KIAA1671: variants seen among roughly 807,000 people sequenced by gnomAD.
KIAA1671 encodes uncharacterized protein KIAA1671.
In KIAA1671, 52 loss-of-function variants were observed where a neutral mutation model predicts 131.2. The observed-to-expected ratio is 0.40, with a 90% CI of 0.32 to 0.50. The LOEUF (loss-of-function observed/expected upper bound fraction) is 0.50, where lower values mean the gene tolerates loss of function less well. Among genes scored for constraint, KIAA1671 ranks in the 20% least tolerant of loss-of-function variants. The pLI, the probability that KIAA1671 is intolerant of heterozygous loss-of-function variation, is 0.73. For synonymous variants in KIAA1671, 1,003 were observed against 961.6 expected, an observed-to-expected ratio of 1.04 and a Z score of -0.80; for missense variants, 2,360 against 2,364.2, an observed-to-expected ratio of 1.00 and a Z score of 0.04.
intron 5 of KIAA1671, among the ~76,000 whole-genome samples, chr22:25,041,979 A>G (rs1260065985): frequency 6.6e-6 from 1 of 152,140 alleles, no homozygotes; most frequent in African/African-American, 2.4e-5. Flanking sequence ...CCTGGGCTCA[A>G]GTGATCCTCC....
chr22:25,100,017 T>G (rs1187607109), intron 6 of KIAA1671, among the ~76,000 whole-genome samples: 1 of 152,112 alleles, frequency 6.6e-6, no homozygotes, highest in Non-Finnish European at 1.5e-5. Context: ...GGCCATACAG[T>G]ATTTGTAACT....
chr22:24,963,716 A>G (rs564444387), intron 1 of KIAA1671, among the ~76,000 whole-genome samples: 31 of 151,174 alleles, frequency 2.1e-4, no homozygotes, highest in Admixed American at 1.8e-3. Flanking sequence ...TGAGGCGGGC[A>G]GATCACGAGG....
In KIAA1671 at chr22:25,156,048, G is replaced by C. The variant is rs565519775; in HGVS notation, c.4531-14772G>C. 1.4e-4 allele frequency among the ~76,000 whole-genome samples: 14 copies of C among 100,760 alleles called. No individual in the cohort carries two copies. The South Asian group carries it at 4.2e-3, about 30-fold the overall frequency. 66.1% of individuals were successfully genotyped at this position (100,760 alleles called of 152,430 possible). On this transcript the variant is annotated intron_variant, in intron 6 of 12. Transcript: ENST00000358431. The stretch of plus-strand genomic sequence containing the variant: ...TTTTTTTTTTTTTTTTTGAGATGGA[G>C]TCTTGCTGTGGCACCCAGGCTGGAG...
Position 24,989,931 on chromosome 22 carries a change from G to A in KIAA1671, c.-207-35702G>A, listed in dbSNP as rs551210185. Among the ~76,000 whole-genome samples, 8 of 152,190 alleles carry A rather than the reference G, an allele frequency of 5.3e-5. No homozygotes were observed. The South Asian group carries it at 1.7e-3, about 32-fold the overall frequency. On this transcript the variant is annotated intron_variant, in intron 1 of 12. Transcript: ENST00000358431. Reference sequence around the variant, plus strand: ...AAACCTTGTTGGGTTTTGGGATCAAGGCAGAAGATGGTAGAGAGCTTTTTC... The same window carrying A: ...AAACCTTGTTGGGTTTTGGGATCAAAGCAGAAGATGGTAGAGAGCTTTTTC...
chr22:25,008,438 G>A (rs1216171018), intron 1 of KIAA1671, among the ~76,000 whole-genome samples: 4 of 152,012 alleles, frequency 2.6e-5, no homozygotes, highest in South Asian at 2.1e-4. Context: ...CAGGAGGGTC[G>A]TTGAGGGTAT....
intron 6 of KIAA1671, among the ~76,000 whole-genome samples, chr22:25,115,746 T>A (rs1931619912): frequency 6.6e-6 from 1 of 152,286 alleles, no homozygotes; most frequent in Admixed American, 6.5e-5. Flanking sequence ...TCTTCATTAA[T>A]TCACTCATAT....
At chr22:25,171,399 G>A (rs986274428) in intron 7 of KIAA1671, among the ~76,000 whole-genome samples, 5 of 151,168 alleles carry the variant, frequency 3.3e-5, no homozygotes, top group Admixed American at 1.3e-4. Flanking sequence ...GCAAGACTCC[G>A]TCTCAAAAAA....
rs544952597 is a variant in KIAA1671, at chr22:25,181,449, C to T, written c.5075-250C>T. ...GCCAAGGGCCCAGGAGATGGGTTTG[C>T]CTCTGTCCTCCCGCAAAAGAAAACC... On this transcript the variant is annotated intron_variant, in intron 9 of 12. Transcript: ENST00000358431. Among the ~76,000 whole-genome samples the T allele has an allele frequency of 7.2e-5, 11 of 152,298 alleles. No homozygotes were observed. In the Middle Eastern group the frequency reaches 0.014, roughly 188 times the overall value.
chr22:25,017,402 G>T (rs897949160), intron 1 of KIAA1671, among the ~76,000 whole-genome samples: 62 of 152,158 alleles, frequency 4.1e-4, no homozygotes, highest in African/African-American at 1.4e-3. Context: ...AAAAAAGGGG[G>T]TGGTAACTTC....
At chr22:25,105,979 A>G (rs900145320) in intron 6 of KIAA1671, among the ~76,000 whole-genome samples, 1 of 152,154 alleles carries the variant, frequency 6.6e-6, no homozygotes, top group African/African-American at 2.4e-5. Flanking sequence ...TGATGGTGTA[A>G]TACAGTGATG....
Position 25,039,674 on chromosome 22 carries a change from C to A in KIAA1671, c.2544C>A (p.Ser848=), listed in dbSNP as rs995566739. The A allele has an allele frequency of 3.2e-5, 49 of 1,527,938 alleles. No individual in the cohort carries two copies. Among genetic ancestry groups the A allele is most frequent in the Non-Finnish European group, 4.1e-5 (46 of 1,132,176 alleles). The allele number at this position is 1,527,938 out of a possible 1,614,324, so 94.6% of individuals were successfully genotyped here. The change falls in exon 5 of 13, where the codon TCC becomes TCA. Residue 848 remains serine (S), a synonymous_variant. Coordinates refer to ENST00000358431, the MANE Select transcript of KIAA1671 (RefSeq NM_001145206.2). ...SEEHCAPGAT[S]VRAIKAAIWE... is the part of the protein sequence containing the mutation. ...AGCACTGTGCTCCCGGGGCCACCTC[C>A]GTCAGGGCTATCAAGGCTGCCATCT...
At chr22:25,130,602 C>A (rs1202501494) in intron 6 of KIAA1671, among the ~76,000 whole-genome samples, 2 of 152,166 alleles carry the variant, frequency 1.3e-5, no homozygotes, top group East Asian at 3.8e-4. Flanking sequence ...AAGTCCCATC[C>A]TGTGAGGGGC....
chr22:25,119,068 T>C (rs1202596025), intron 6 of KIAA1671, among the ~76,000 whole-genome samples: 3 of 152,322 alleles, frequency 2.0e-5, no homozygotes, highest in Admixed American at 2.0e-4. Flanking sequence ...TCTACTAGGA[T>C]GTAAGGTCCA....
chr22:25,159,573 A>G (rs761474354), intron 6 of KIAA1671, among the ~76,000 whole-genome samples: 1 of 152,134 alleles, frequency 6.6e-6, no homozygotes, highest in Non-Finnish European at 1.5e-5. Context: ...GGACACCAAC[A>G]TCATCATGTG....
chr22:25,097,736 T>TA (rs11430695), intron 6 of KIAA1671, among the ~76,000 whole-genome samples: 55,452 of 142,260 alleles, frequency 0.39, 10,272 homozygotes, highest in South Asian at 0.5. Context: ...CGAGACTCCA[T>TA]AAAAAAAAAA....
rs372022543 is a variant in KIAA1671, at chr22:25,168,976, CAGG to C, written c.4531-1841_4531-1839del. 1.3e-3 allele frequency among the ~76,000 whole-genome samples: 204 copies of C among 152,188 alleles called. 1 individual carries two copies. Among genetic ancestry groups the C allele is most frequent in the African/African-American group, 4.4e-3 (182 of 41,506 alleles). ...TAGGGAACCCCGGAAGGTTTTTGAG[CAGG>C]AGATGATATGAAGCATATTCCAGCA... On this transcript the variant is annotated intron_variant, in intron 6 of 12. Transcript: ENST00000358431.
At chr22:25,033,273 A>G (rs1017221205) in intron 4 of KIAA1671, among the ~76,000 whole-genome samples, 84 of 152,096 alleles carry the variant, frequency 5.5e-4, no homozygotes, top group African/African-American at 2.0e-3. Context: ...GTGCATGCCT[A>G]TAGTTCTAGT....
intron 6 of KIAA1671, chr22:25,053,408 A>G (rs1450208453): frequency 2.2e-4 from 33 of 152,146 alleles, no homozygotes. Context: ...TGTGACCTCG[A>G]GTCACAGTTT....
rs1931652308 is a variant in KIAA1671 at position 25,116,229 on chromosome 22, C to T, written c.4531-54591C>T. Among the ~76,000 whole-genome samples the T allele has an allele frequency of 2.6e-5, 4 of 152,014 alleles. No homozygotes were observed. In the South Asian group the frequency reaches 8.3e-4, roughly 32 times the overall value. ...CTGGGACTACAGGCATGTGCCACCA[C>T]ACCCAGCCATTTTTTTTCTTTTGTG... On this transcript the variant is annotated intron_variant, in intron 6 of 12. Coordinates refer to ENST00000358431, the MANE Select transcript of KIAA1671 (RefSeq NM_001145206.2).
Sources: gnomAD v4.1 joint callset for allele counts (sites outside exome capture counted in the v4.1 genomes callset) on GRCh38, gnomAD v4.1.1 for gene constraint, MANE v1.5 for transcripts, NCBI Gene and HGNC (gene_info 2026-07-23, HGNC 2026-07-21) for gene names.